PREX1: variants seen among roughly 807,000 people sequenced by gnomAD.
The protein encoded by PREX1 is phosphatidylinositol 3,4,5-trisphosphate-dependent Rac exchanger 1 protein.
In PREX1, 41 loss-of-function variants were observed where a neutral mutation model predicts 198.3. That is an observed-to-expected ratio of 0.21 (90% CI 0.16 to 0.27). PREX1 has a LOEUF of 0.27. Among genes scored for constraint, PREX1 ranks in the 10% least tolerant of loss-of-function variants. The pLI is 1.00. For synonymous variants in PREX1, 843 were observed against 887.2 expected, an observed-to-expected ratio of 0.95 and a Z score of 0.89; for missense variants, 1,620 against 2,200.7, an observed-to-expected ratio of 0.74 and a Z score of 5.28.
intron 7 of PREX1, among the ~76,000 whole-genome samples, chr20:48,696,618 T>C (rs2426086): frequency 1.0e-4 from 14 of 134,274 alleles, no homozygotes; most frequent in South Asian, 2.4e-4. Context: ...CATACATACA[T>C]ACATACATAC....
At position 48,799,759 on chromosome 20, in the gene PREX1, G is replaced by A. The variant is rs114613294; in HGVS notation, c.219+27883C>T. Among the ~76,000 whole-genome samples, 577 of 152,334 alleles carry A rather than the reference G, an allele frequency of 3.8e-3. 1 individual carries two copies. The highest frequency in any genetic ancestry group is 0.013 in the African/African-American group (523 of 41,572). ...CCCCCACAACAGGGCAGAGGGGCCAGCTGGGTTGAAACCCAAGAAGAAAGT... is the reference window on the plus strand; with the variant it reads ...CCCCCACAACAGGGCAGAGGGGCCAACTGGGTTGAAACCCAAGAAGAAAGT... On this transcript the variant is annotated intron_variant, in intron 1 of 39. Coordinates refer to ENST00000371941, the MANE Select transcript of PREX1 (RefSeq NM_020820.4).
Position 48,666,539 on chromosome 20 carries a change from T to A in PREX1, c.1666-184A>T, listed in dbSNP as rs41310815. 0.035 allele frequency among the ~76,000 whole-genome samples: 5,267 copies of A among 151,298 alleles called. 115 individuals carry two copies. Among genetic ancestry groups the A allele is most frequent in the Middle Eastern group, 0.048 (14 of 290 alleles). ...ATTATTTTTTATTATTATTATTATT[T>A]TTTTGAGACAGAGTCTCACTCTATC... On this transcript the variant is annotated intron_variant, in intron 14 of 39. Coordinates refer to ENST00000371941, the MANE Select transcript of PREX1 (RefSeq NM_020820.4). This position sits in a 1 kb window ranked among gnomAD's most constrained non-coding sequence, Gnocchi z 4.3.
In PREX1 at chr20:48,708,352, T is replaced by G; in HGVS notation, c.691A>C (p.Lys231Gln). ...TCATTGATGTTGGAGCAAACGGTCT[T>G]CATGGCCTGCAGGGCACTCTGGACC... is the stretch of plus-strand genomic sequence containing the variant. ...PAVQSALQAM[K>Q]TVCSNINETK... Residue 231 changes from lysine to glutamine, a missense_variant, in exon 6 of 40, where the codon AAG becomes CAG. Coordinates refer to ENST00000371941, the MANE Select transcript of PREX1 (RefSeq NM_020820.4). 1 of 1,614,130 alleles carries G rather than the reference T, an allele frequency of 6.2e-7. No homozygotes were observed. The highest frequency in any genetic ancestry group is 8.5e-7 in the Non-Finnish European group (1 of 1,180,034).
intron 1 of PREX1, among the ~76,000 whole-genome samples, chr20:48,789,009 G>A (rs960180889): frequency 6.6e-6 from 1 of 152,256 alleles, no homozygotes; most frequent in East Asian, 1.9e-4. Flanking sequence ...ATAACTGTAA[G>A]AAGAAAGTTT....
rs1257047376 is a variant in PREX1 at position 48,747,007 on chromosome 20, CACA to C, written c.291+799_291+801del. On this transcript the variant is annotated intron_variant, in intron 2 of 39. Transcript: ENST00000371941. The stretch of plus-strand genomic sequence containing the variant: ...ACACACACACACACACACACACACA[CACA>C]CCCCACCCCCAGGAGGAGCCATGCA... 3.2e-4 allele frequency among the ~76,000 whole-genome samples: 40 copies of C among 123,162 alleles called. No individual in the cohort carries two copies. In the East Asian group the frequency reaches 3.4e-3, roughly 11 times the overall value. The allele number at this position is 123,162 out of a possible 152,430, so 80.8% of individuals were successfully genotyped here.
At chr20:48,840,341 A>C in the PREX1 span, among the ~76,000 whole-genome samples, 2 of 94,428 alleles carry the variant, frequency 2.1e-5, no homozygotes, top group Non-Finnish European at 4.7e-5. Flanking sequence ...ACCTTAACCA[A>C]AAAAAAAAAA....
At chr20:48,671,706 G>A (rs374225994) in intron 14 of PREX1, among the ~76,000 whole-genome samples, 3 of 152,178 alleles carry the variant, frequency 2.0e-5, no homozygotes, top group African/African-American at 7.2e-5. Flanking sequence ...ACCACACTCC[G>A]AGGTCACATC....
chr20:48,678,180 G>A (rs751871998), intron 13 of PREX1, among the ~76,000 whole-genome samples: 2 of 152,066 alleles, frequency 1.3e-5, no homozygotes, highest in African/African-American at 4.8e-5. Flanking sequence ...CGGGCCTGGT[G>A]GTAGGCACCT....
intron 4 of PREX1, 40 bp from the exon 5 acceptor site, chr20:48,726,431 A>C: frequency 6.7e-7 from 1 of 1,484,390 alleles, no homozygotes; most frequent in Non-Finnish European, 9.4e-7. Flanking sequence ...CCCACCAAGG[A>C]TAGCACAGGG....
intron 13 of PREX1, among the ~76,000 whole-genome samples, chr20:48,677,373 T>A (rs576576012): frequency 8.7e-5 from 11 of 125,836 alleles, no homozygotes; most frequent in Admixed American, 2.5e-4. Context: ...ATAAGAGCTA[T>A]CAGGTCAGAG....
chr20:48,872,295 T>TA, the PREX1 span, among the ~76,000 whole-genome samples: 75 of 151,848 alleles, frequency 4.9e-4, no homozygotes, highest in African/African-American at 1.8e-3. Flanking sequence ...ACTGAGCACA[T>TA]AGAGTTGGAT....
At chr20:48,795,792 G>A (rs1231636363) in intron 1 of PREX1, among the ~76,000 whole-genome samples, 1 of 152,144 alleles carries the variant, frequency 6.6e-6, no homozygotes, top group Non-Finnish European at 1.5e-5. Flanking sequence ...AGAATGCTAG[G>A]TGATCCTACG....
chr20:48,642,041 G>C (rs1239370979), intron 29 of PREX1, 127 bp downstream of exon 29: 3 of 939,504 alleles, frequency 3.2e-6, no homozygotes, highest in Admixed American at 4.3e-5. Flanking sequence ...GGCTAAAATC[G>C]CTGTCCTGAT....
chr20:48,736,988 A>G (rs1243203684), intron 3 of PREX1, among the ~76,000 whole-genome samples: 1 of 152,140 alleles, frequency 6.6e-6, no homozygotes, highest in Non-Finnish European at 1.5e-5. Context: ...ATTCTCATCC[A>G]TAAAGTACAG....
the PREX1 span, among the ~76,000 whole-genome samples, chr20:48,853,054 T>A: frequency 6.6e-6 from 1 of 152,128 alleles, no homozygotes; most frequent in Non-Finnish European, 1.5e-5. Context: ...AAAGGGAAAC[T>A]GAGTGGATGG....
chr20:48,645,822 A>G (rs751256072), intron 26 of PREX1, 29 bp downstream of exon 26: 1 of 1,610,344 alleles, frequency 6.2e-7, no homozygotes, highest in East Asian at 2.2e-5. Context: ...ATCCTCATCT[A>G]ACCTCAGCCC....
chr20:48,786,803 GAAGGAAGGAAAGAA>G (rs2090314401), intron 1 of PREX1, among the ~76,000 whole-genome samples: 1 of 56,458 alleles, frequency 1.8e-5, no homozygotes, highest in Admixed American at 1.6e-4. Flanking sequence ...AAAAGAAAGA[GAAGGAAGGAAAGAA>G]AAAGAGAGAG....
At chr20:48,807,773 C>T (rs140228087) in intron 1 of PREX1, among the ~76,000 whole-genome samples, 1 of 152,196 alleles carries the variant, frequency 6.6e-6, no homozygotes, top group African/African-American at 2.4e-5. Context: ...GTACGTGTGA[C>T]GACAGTAAGG....
intron 6 of PREX1, among the ~76,000 whole-genome samples, chr20:48,706,770 A>G (rs905860045): frequency 6.6e-6 from 1 of 152,242 alleles, no homozygotes; most frequent in African/African-American, 2.4e-5. Flanking sequence ...GATGCAGGAA[A>G]CAGAAACCAA....
Sources: allele counts gnomAD v4.1 joint callset (sites outside exome capture counted in the v4.1 genomes callset), GRCh38; gene constraint gnomAD v4.1.1; non-coding constraint Gnocchi (gnomAD v3.1); transcripts MANE v1.5; gene names NCBI Gene and HGNC (gene_info 2026-07-23, HGNC 2026-07-21).